The following SYT1 variants were observed in gnomAD, a reference collection of about 807,000 sequenced individuals.
SYT1 encodes the protein synaptotagmin 1, also known as synaptotagmin-1.
A neutral mutation model predicts 44.8 loss-of-function variants in SYT1; 8 were observed. That is an observed-to-expected ratio of 0.18 (90% confidence interval 0.10 to 0.32). The LOEUF is 0.32. Ranked by LOEUF, SYT1 falls within the 10% of genes least tolerant of loss-of-function variation. SYT1 has a pLI of 1.00. For missense variants in SYT1, 286 were observed against 509.3 expected (o/e 0.56, Z 4.22); for synonymous variants, 154 against 188.8 (o/e 0.82, Z 1.51).
intron 2 of SYT1, among the ~76,000 whole-genome samples, chr12:78,985,467 G>C (rs951364551): frequency 6.6e-6 from 1 of 151,666 alleles, no homozygotes; most frequent in African/African-American, 2.4e-5. Context: ...TGGGGTTAGT[G>C]GTTGTTTTTA....
chr12:79,264,382 A>T (rs1878010439), intron 4 of SYT1, among the ~76,000 whole-genome samples: 1 of 152,082 alleles, frequency 6.6e-6, no homozygotes, highest in Non-Finnish European at 1.5e-5. Context: ...TAAACTATTC[A>T]GTGGAAACGT....
intron 2 of SYT1, among the ~76,000 whole-genome samples, chr12:79,037,126 T>C (rs1467146816): frequency 6.6e-6 from 1 of 151,872 alleles, no homozygotes; most frequent in African/African-American, 2.4e-5. Flanking sequence ...CTGCTCCTGA[T>C]ATTCACATCT....
chr12:79,168,887 T>C (rs1871356467), intron 3 of SYT1, among the ~76,000 whole-genome samples: 2 of 152,066 alleles, frequency 1.3e-5, no homozygotes, highest in Admixed American at 6.6e-5. Flanking sequence ...AGCTTTCCCA[T>C]ATCTTTGTGG....
At chr12:79,160,396 A>G (rs561917728) in intron 3 of SYT1, among the ~76,000 whole-genome samples, 6 of 152,292 alleles carry the variant, frequency 3.9e-5, no homozygotes, top group Non-Finnish European at 8.8e-5. Flanking sequence ...CAATGAAACC[A>G]TGGAAGTGGA....
chr12:78,904,835 T>C (rs1387305313), intron 1 of SYT1, among the ~76,000 whole-genome samples: 2 of 152,150 alleles, frequency 1.3e-5, no homozygotes, highest in African/African-American at 4.8e-5. Flanking sequence ...CAATTAGGCA[T>C]AATAGAACTA....
intron 9 of SYT1, among the ~76,000 whole-genome samples, chr12:79,422,614 C>G (rs561195938): frequency 6.6e-6 from 1 of 152,068 alleles, no homozygotes; most frequent in East Asian, 1.9e-4. Context: ...AGGGAAAGCT[C>G]TGCTGAAGCT....
chr12:78,981,716 C>T (rs1276646682), intron 2 of SYT1, among the ~76,000 whole-genome samples: 2 of 152,102 alleles, frequency 1.3e-5, no homozygotes, highest in South Asian at 2.1e-4. Context: ...CAATTTGCTG[C>T]CTTTGTGTGC....
intron 1 of SYT1, among the ~76,000 whole-genome samples, chr12:78,950,341 G>A (rs1474215620): frequency 6.6e-6 from 1 of 151,934 alleles, no homozygotes; most frequent in Non-Finnish European, 1.5e-5. Flanking sequence ...TTTTAATACA[G>A]TAATATAAGC....
intron 2 of SYT1, among the ~76,000 whole-genome samples, chr12:79,001,600 C>A (rs1260331575): frequency 1.3e-5 from 2 of 152,118 alleles, no homozygotes; most frequent in Non-Finnish European, 2.9e-5. Context: ...CAGCACACCA[C>A]CATTATCTGA....
At chr12:79,113,609 A>G (rs1027993219) in intron 3 of SYT1, among the ~76,000 whole-genome samples, 2 of 152,270 alleles carry the variant, frequency 1.3e-5, no homozygotes, top group Admixed American at 6.5e-5. Flanking sequence ...TCTTTAACCC[A>G]GTGCTTTCCA....
intron 2 of SYT1, among the ~76,000 whole-genome samples, chr12:78,986,448 G>T (rs1384950727): frequency 6.6e-6 from 1 of 151,622 alleles, no homozygotes; most frequent in African/African-American, 2.4e-5. Context: ...CAGTGTTTTA[G>T]CTAACATATT....
At chr12:79,410,356 A>G (rs1447184362) in intron 9 of SYT1, among the ~76,000 whole-genome samples, 1 of 152,086 alleles carries the variant, frequency 6.6e-6, no homozygotes, top group Non-Finnish European at 1.5e-5. Context: ...AAAGCCATTC[A>G]CAGAATCAGG....
chr12:79,095,696 T>C (rs193029269), intron 3 of SYT1, among the ~76,000 whole-genome samples: 3 of 151,856 alleles, frequency 2.0e-5, no homozygotes, highest in African/African-American at 7.2e-5. Flanking sequence ...CTTTCTTGGC[T>C]GGCTTTTTTG....
At chr12:78,905,990 G>C (rs1398636074) in intron 1 of SYT1, among the ~76,000 whole-genome samples, 1 of 151,858 alleles carries the variant, frequency 6.6e-6, no homozygotes, top group Non-Finnish European at 1.5e-5. Context: ...TTGTAATTTA[G>C]AAGTAAGTCT....
At chr12:79,002,281 G>A (rs1230263475) in intron 2 of SYT1, among the ~76,000 whole-genome samples, 2 of 152,028 alleles carry the variant, frequency 1.3e-5, no homozygotes, top group Non-Finnish European at 2.9e-5. Flanking sequence ...CTCCCCAGTC[G>A]AAAGACTATG....
At chr12:79,132,495 C>A (rs6539255) in intron 3 of SYT1, among the ~76,000 whole-genome samples, 20,645 of 150,344 alleles carry the variant, frequency 0.14, 1,493 homozygotes, top group East Asian at 0.2. Context: ...AAAATGCTAA[C>A]CGTCACTAAT....
intron 2 of SYT1, among the ~76,000 whole-genome samples, chr12:78,997,652 T>G (rs1465376607): frequency 1.3e-5 from 2 of 151,790 alleles, no homozygotes; most frequent in East Asian, 3.9e-4. Flanking sequence ...TTTCTTTCCT[T>G]CTTTCTCTTT....
intron 10 of SYT1, 82 bp downstream of exon 10, chr12:79,444,288 T>A: frequency 6.5e-7 from 1 of 1,528,820 alleles, no homozygotes; most frequent in South Asian, 1.2e-5. Flanking sequence ...CCTTGTAAGT[T>A]ATCAGTGCAC....
intron 8 of SYT1, among the ~76,000 whole-genome samples, chr12:79,336,942 T>C (rs921959410): frequency 6.6e-6 from 1 of 152,006 alleles, no homozygotes; most frequent in Non-Finnish European, 1.5e-5. Context: ...TCCAAAAATT[T>C]TGGGAGTACA....
Sources: allele counts gnomAD v4.1 joint callset (sites outside exome capture counted in the v4.1 genomes callset), GRCh38; gene constraint gnomAD v4.1.1; transcripts MANE v1.5; gene names NCBI Gene and HGNC (gene_info 2026-07-23, HGNC 2026-07-21).